SEZ6L: variants seen among roughly 807,000 people sequenced by gnomAD.
The protein encoded by SEZ6L is seizure 6-like protein.
In SEZ6L, 37 loss-of-function variants were observed where a neutral mutation model predicts 106.2. That is an observed-to-expected ratio of 0.35 (90% CI 0.27 to 0.46). The LOEUF (loss-of-function observed/expected upper bound fraction) is 0.46, where lower values mean the gene tolerates loss of function less well. Ranked by LOEUF, SEZ6L falls within the 20% of genes least tolerant of loss-of-function variation. The probability of loss-of-function intolerance (pLI) is 1.00; values close to 1 mark genes in which losing one functional copy is unlikely to be tolerated. For synonymous variants in SEZ6L, 541 were observed against 570.4 expected (o/e 0.95, Z 0.73); for missense variants, 1,172 against 1,332.8 (o/e 0.88, Z 1.88).
intron 1 of SEZ6L, among the ~76,000 whole-genome samples, chr22:26,257,485 G>C (rs149204285): frequency 6.6e-6 from 1 of 152,280 alleles, no homozygotes; most frequent in East Asian, 1.9e-4. Context: ...AACTTGCTAA[G>C]TGCAAGGTAC....
At position 26,344,907 on chromosome 22, in the gene SEZ6L, A is replaced by G. The variant is rs186949887; in HGVS notation, c.2213-2812A>G. On this transcript the variant is annotated intron_variant, in intron 10 of 16. Coordinates refer to ENST00000248933, the MANE Select transcript of SEZ6L (RefSeq NM_021115.5). ...TGACTGGAATCACACCATTTATTTA[A>G]AAAAGAAAGAAGAGTAGAAAAGAAG... 3.1e-3 allele frequency among the ~76,000 whole-genome samples: 476 copies of G among 152,340 alleles called. 5 individuals carry two copies. The highest frequency in any genetic ancestry group is 0.011 in the African/African-American group (453 of 41,580).
At chr22:26,173,365 G>T (rs1938754560) in intron 1 of SEZ6L, among the ~76,000 whole-genome samples, 1 of 152,226 alleles carries the variant, frequency 6.6e-6, no homozygotes, top group Admixed American at 6.5e-5. Context: ...GGCATAGTGA[G>T]TAACTCCAGT....
intron 1 of SEZ6L, among the ~76,000 whole-genome samples, chr22:26,240,033 G>A (rs1341603494): frequency 1.3e-5 from 2 of 150,308 alleles, no homozygotes; most frequent in Non-Finnish European, 2.9e-5. Flanking sequence ...GCAGCTTTCT[G>A]TGTATCCCCT....
intron 1 of SEZ6L, among the ~76,000 whole-genome samples, chr22:26,237,846 T>C (rs909210653): frequency 6.6e-6 from 1 of 152,180 alleles, no homozygotes; most frequent in Non-Finnish European, 1.5e-5. Flanking sequence ...ACAAGTGTGC[T>C]ATTTCACATG....
At chr22:26,233,777 A>C (rs962508651) in intron 1 of SEZ6L, among the ~76,000 whole-genome samples, 13 of 152,236 alleles carry the variant, frequency 8.5e-5, no homozygotes, top group African/African-American at 2.7e-4. Flanking sequence ...ATGCAGTGTC[A>C]TAATGAGTGT....
intron 9 of SEZ6L, among the ~76,000 whole-genome samples, chr22:26,316,659 C>A (rs2082004600): frequency 6.6e-6 from 1 of 151,910 alleles, no homozygotes; most frequent in African/African-American, 2.4e-5. Context: ...TGGTGAAACA[C>A]CGCCTCTACT....
chr22:26,175,688 T>C (rs1221156619), intron 1 of SEZ6L, among the ~76,000 whole-genome samples: 1 of 152,144 alleles, frequency 6.6e-6, no homozygotes, highest in East Asian at 1.9e-4. Flanking sequence ...ACCGAGATTA[T>C]GTGACTGCTT....
At chr22:26,206,113 TATC>T (rs1191688694) in intron 1 of SEZ6L, among the ~76,000 whole-genome samples, 2 of 152,366 alleles carry the variant, frequency 1.3e-5, no homozygotes, top group East Asian at 3.9e-4. Flanking sequence ...AACTCTGCCA[TATC>T]ATAAATTTCC....
chr22:26,313,792 G>A lies in SEZ6L; in HGVS notation c.1905G>A (p.Val635=), dbSNP rs1396342182. 6.2e-7 allele frequency: 1 copy of A among 1,612,112 alleles called. No homozygotes were observed. The highest frequency in any genetic ancestry group is 1.3e-5 in the African/African-American group (1 of 74,882). ...TGTGTGGTGGGGAGCTCTCTGCTGTGGCTGGGGTGGTATTGTCCCCAAACT... is the reference window on the plus strand; with the variant it reads ...TGTGTGGTGGGGAGCTCTCTGCTGTAGCTGGGGTGGTATTGTCCCCAAACT... ...RAMCGGELSA[V]AGVVLSPNWP... Residue 635 remains valine, a synonymous_variant, in exon 9 of 17, where the codon GTG becomes GTA. Transcript: ENST00000248933.
intron 1 of SEZ6L, among the ~76,000 whole-genome samples, chr22:26,261,394 G>A (rs1368295991): frequency 6.6e-6 from 1 of 152,156 alleles, no homozygotes; most frequent in Non-Finnish European, 1.5e-5. Flanking sequence ...GATCAATGTT[G>A]AGTTGATTTT....
chr22:26,190,840 A>G lies in SEZ6L; in HGVS notation c.94+21077A>G, dbSNP rs182865164. Among the ~76,000 whole-genome samples, 7 of 152,314 alleles carry G rather than the reference A, an allele frequency of 4.6e-5. No individual in the cohort carries two copies. The East Asian group carries it at 9.6e-4, about 21-fold the overall frequency. ...TTTATTTTTTTCCTGCCATGTCTCA[A>G]TCAATATCTGAAAGACTCATAAAGG... is the stretch of plus-strand genomic sequence containing the variant. On this transcript the variant is annotated intron_variant, in intron 1 of 16. Transcript: ENST00000248933.
intron 9 of SEZ6L, among the ~76,000 whole-genome samples, chr22:26,318,944 C>T (rs916272559): frequency 5.9e-5 from 9 of 152,080 alleles, no homozygotes; most frequent in Admixed American, 2.6e-4. Flanking sequence ...AACAAGTTGG[C>T]GGCACAGTGG....
chr22:26,244,014 T>C (rs1258707450), intron 1 of SEZ6L, among the ~76,000 whole-genome samples: 1 of 151,866 alleles, frequency 6.6e-6, no homozygotes, highest in African/African-American at 2.4e-5. Flanking sequence ...AATACAAAAA[T>C]TAGCCAGACA....
intron 12 of SEZ6L, among the ~76,000 whole-genome samples, chr22:26,359,162 C>A (rs1027304910): frequency 2.0e-5 from 3 of 152,184 alleles, no homozygotes; most frequent in Non-Finnish European, 4.4e-5. Flanking sequence ...GCTGAAGATA[C>A]ACACAAATGC....
At position 26,340,529 on chromosome 22, in the gene SEZ6L, C is replaced by A; in HGVS notation, c.2109C>A (p.Pro703=). ...ILGQYLGNSG[P]QKLYSSTPDL... ...GGCAGTACCTTGGGAACAGTGGCCC[C>A]CAGAAACTGTACTCCTCCACGCCAG... Residue 703 remains proline, a synonymous_variant, in exon 10 of 17, where the codon CCC becomes CCA. Coordinates refer to ENST00000248933, the MANE Select transcript of SEZ6L (RefSeq NM_021115.5). The A allele has an allele frequency of 6.2e-7, 1 of 1,614,154 alleles. No individual in the cohort carries two copies. The highest frequency in any genetic ancestry group is 8.5e-7 in the Non-Finnish European group (1 of 1,180,026).
chr22:26,282,979 G>C (rs2080820539), intron 1 of SEZ6L, among the ~76,000 whole-genome samples: 1 of 152,026 alleles, frequency 6.6e-6, no homozygotes, highest in Non-Finnish European at 1.5e-5. Flanking sequence ...GGAGTACAGT[G>C]GCGCGATTTT....
At chr22:26,193,094 C>T (rs1940343611) in intron 1 of SEZ6L, among the ~76,000 whole-genome samples, 1 of 152,140 alleles carries the variant, frequency 6.6e-6, no homozygotes, top group Admixed American at 6.5e-5. Flanking sequence ...ACATTGGGAA[C>T]ATTTTTTTTC....
intron 1 of SEZ6L, among the ~76,000 whole-genome samples, chr22:26,226,787 A>T (rs1471479947): frequency 2.6e-5 from 4 of 152,214 alleles, no homozygotes; most frequent in Non-Finnish European, 5.9e-5. Flanking sequence ...CAGCTGAGAC[A>T]TGCAGGAAAG....
At chr22:26,342,228 C>T (rs1407881185) in intron 10 of SEZ6L, among the ~76,000 whole-genome samples, 1 of 152,174 alleles carries the variant, frequency 6.6e-6, no homozygotes, top group African/African-American at 2.4e-5. Context: ...GATTAGGAAA[C>T]GTGCTTGCAC....
Sources: allele counts gnomAD v4.1 joint callset (sites outside exome capture counted in the v4.1 genomes callset), GRCh38; gene constraint gnomAD v4.1.1; transcripts MANE v1.5; gene names NCBI Gene and HGNC (gene_info 2026-07-23, HGNC 2026-07-21).